Variants in ALG11 observed in about 807,000 individuals in gnomAD.
ALG11 encodes ALG11 alpha-1,2-mannosyltransferase, also known as GDP-Man:Man(3)GlcNAc(2)-PP-Dol alpha-1,2-mannosyltransferase.
Under a neutral mutation model 38.8 loss-of-function variants are expected in ALG11, and 26 were observed. The ratio of observed to expected loss-of-function variants is 0.67; its 90% CI spans 0.49 to 0.93. ALG11 has a LOEUF of 0.93. Among genes scored for constraint, ALG11 ranks in the 40% least tolerant of loss-of-function variants. The pLI is 0.00. For missense variants in ALG11, 535 were observed against 578.8 expected (o/e 0.92, Z 0.78); for synonymous variants, 199 against 211.6 (o/e 0.94, Z 0.52).
At position 52,028,457 on chromosome 13, in the gene ALG11, T is replaced by C. The variant is rs752810827; in HGVS notation, c.1346T>C (p.Ile449Thr). ...AESEEDYAET[I>T]AHILSMSAEK... Reference sequence around the variant, plus strand: ...AGTGAAGAAGACTATGCTGAAACTATCGCTCACATTCTTTCCATGTCTGCA... The same window carrying C: ...AGTGAAGAAGACTATGCTGAAACTACCGCTCACATTCTTTCCATGTCTGCA... The change falls in exon 4 of 4, where the codon ATC (isoleucine) becomes ACC (threonine). Residue 449 changes from isoleucine to threonine, a missense_variant. Coordinates refer to ENST00000521508, the MANE Select transcript of ALG11 (RefSeq NM_001004127.3). 1.2e-6 allele frequency: 2 copies of C among 1,614,196 alleles called. No homozygotes were observed. The highest frequency in any genetic ancestry group is 2.2e-5 in the South Asian group (2 of 91,080).
intron 2 of ALG11, chr13:52,020,947 C>T (rs550054830): frequency 6.6e-6 from 1 of 152,308 alleles, no homozygotes; most frequent in Admixed American, 6.5e-5. Context: ...TTCGACCTAG[C>T]AGTATTTATT....
chr13:52,024,550 T>A lies in ALG11; in HGVS notation c.820T>A (p.Cys274Ser). 1 of 1,614,230 alleles carries A rather than the reference T, an allele frequency of 6.2e-7. No homozygotes were observed. Among genetic ancestry groups the A allele is most frequent in the Non-Finnish European group, 8.5e-7 (1 of 1,180,046 alleles). Reference sequence around the variant, plus strand: ...TCTCTCACTATGGAAAGTTGGGAATTGCACTAACATTGTTTATCCACCTTG... The same window carrying A: ...TCTCTCACTATGGAAAGTTGGGAATAGCACTAACATTGTTTATCCACCTTG... ...HILSLWKVGNCTNIVYPPCDV... is the reference protein window; with the variant it reads ...HILSLWKVGNSTNIVYPPCDV... Residue 274 changes from cysteine (C) to serine (S), a missense_variant, in exon 3 of 4, where the codon TGC becomes AGC. Cys to Ser is a moderately radical substitution (Grantham distance 112). Transcript: ENST00000521508.
At chr13:52,012,648 T>TTAAGACC (rs1471083080) in intron 1 of ALG11, among the ~76,000 whole-genome samples, 186 bp downstream of exon 1, 2 of 152,208 alleles carry the variant, frequency 1.3e-5, no homozygotes, top group East Asian at 3.8e-4. Flanking sequence ...AGACTAGGTC[T>TTAAGACC]TAAAGACTCA....
rs1267852403 is a variant in ALG11, at chr13:52,024,852, A to G, written c.1122A>G (p.Ile374Met). The G allele has an allele frequency of 1.2e-6, 2 of 1,614,050 alleles. No homozygotes were observed. The highest frequency in any genetic ancestry group is 1.7e-6 in the Non-Finnish European group (2 of 1,179,912). The change falls in exon 3 of 4, where the codon ATA becomes ATG. Residue 374 changes from isoleucine to methionine, a missense_variant. Ile to Met is a conservative substitution (Grantham distance 10). Coordinates refer to ENST00000521508, the MANE Select transcript of ALG11 (RefSeq NM_001004127.3). ...LGVQEYVEFK[I>M]NIPFDELKNY... ...TTCAAGAATATGTGGAATTTAAAAT[A>G]AACATTCCATTTGATGAATTAAAGA...
chr13:52,017,079 G>A (rs1193039282), intron 1 of ALG11: 1 of 152,184 alleles, frequency 6.6e-6, no homozygotes, highest in Non-Finnish European at 1.5e-5. Context: ...GTCAAAGGAG[G>A]TCATTTTGGA....
Position 52,024,430 on chromosome 13 carries a change from C to T in ALG11, c.700C>T (p.Leu234Phe). 1 of 1,613,814 alleles carries T rather than the reference C, an allele frequency of 6.2e-7. No individual in the cohort carries two copies. Among genetic ancestry groups the T allele is most frequent in the Non-Finnish European group, 8.5e-7 (1 of 1,179,800 alleles). Residue 234 changes from leucine to phenylalanine, a missense_variant, in exon 3 of 4, where the codon CTC becomes TTC. By Grantham distance (22) the Leu-to-Phe change is conservative. Transcript: ENST00000521508. ...GAATCCTTTTCTCAGCAAAGTAAAG[C>T]TCATCTACTACTATTTATTTGCTTT... ...TRNPFLSKVK[L>F]IYYYLFAFIY...
intron 2 of ALG11, 138 bp downstream of exon 2, chr13:52,019,281 G>A: frequency 1.3e-6 from 1 of 776,958 alleles, no homozygotes. Flanking sequence ...GAGTGCAGTG[G>A]CACGATGTCG....
rs749170887 is a variant in ALG11 at position 52,030,159 on chromosome 13, AG to A, written c.*1571del. 2.5e-6 allele frequency: 4 copies of A among 1,614,238 alleles called. No individual in the cohort carries two copies. In the South Asian group the frequency reaches 4.4e-5, roughly 18 times the overall value. On this transcript the variant is annotated 3_prime_UTR_variant, in exon 4 of 4. Transcript: ENST00000521508. ...CAAGAAACAAAAGATTCTAGCAGCC[AG>A]GAGGTGCTGTCCGAATTGAGGGCAC...
rs980724858 is a variant in ALG11 at position 52,015,059 on chromosome 13, A to G, written c.44+2597A>G. Among the ~76,000 whole-genome samples, 5 of 152,310 alleles carry G rather than the reference A, an allele frequency of 3.3e-5. 1 individual carries two copies. The highest frequency in any genetic ancestry group is 3.3e-4 in the Admixed American group (5 of 15,306). ...TAGGAACAAATGAGGATTTGTTCAC[A>G]ATAGGAAATCCCACATGAGAACTTT... On this transcript the variant is annotated intron_variant, in intron 1 of 3. Transcript: ENST00000521508.
At chr13:52,014,606 C>T (rs988053630) in intron 1 of ALG11, among the ~76,000 whole-genome samples, 2 of 151,642 alleles carry the variant, frequency 1.3e-5, no homozygotes, top group Non-Finnish European at 1.5e-5. Flanking sequence ...ATGATCATAG[C>T]TTACTACAGC....
intron 2 of ALG11, chr13:52,022,659 C>T (rs996424298): frequency 6.6e-6 from 1 of 151,754 alleles, no homozygotes; most frequent in South Asian, 2.1e-4. Flanking sequence ...TCCATACCCC[C>T]AAAACCTGGC....
Position 52,029,664 on chromosome 13 carries a change from A to T in ALG11, c.*1074A>T, listed in dbSNP as rs748408453. 12 of 1,614,248 alleles carry T rather than the reference A, an allele frequency of 7.4e-6. No individual in the cohort carries two copies. Among genetic ancestry groups the T allele is most frequent in the Non-Finnish European group, 9.3e-6 (11 of 1,180,044 alleles). The stretch of plus-strand genomic sequence containing the variant: ...CTGGAAGAAATGGAAAAAATTGAAA[A>T]TGCCAGAATGATGGAAAGAATGAGC... On this transcript the variant is annotated 3_prime_UTR_variant, in exon 4 of 4. Transcript: ENST00000521508.
chr13:52,018,928 A>C lies in ALG11; in HGVS notation c.60A>C (p.Leu20Phe). 1 of 1,613,922 alleles carries C rather than the reference A, an allele frequency of 6.2e-7. No homozygotes were observed. The part of the protein sequence containing the change: ...LCKLLRFFYS[L>F]FFPGLIVCGT... Reference sequence around the variant, plus strand: ...CTTATTTCAGGTTTTTTTATTCATTATTCTTCCCTGGGCTCATTGTATGTG... The same window carrying C: ...CTTATTTCAGGTTTTTTTATTCATTCTTCTTCCCTGGGCTCATTGTATGTG... The change falls in exon 2 of 4, where the codon TTA (leucine) becomes TTC (phenylalanine). Residue 20 changes from leucine to phenylalanine, a missense_variant. Physicochemically the swap from Leu to Phe is conservative, Grantham distance 22. Coordinates refer to ENST00000521508, the MANE Select transcript of ALG11 (RefSeq NM_001004127.3).
rs975448591 is a variant in ALG11 at position 52,030,712 on chromosome 13, G to A, written c.*2122G>A. 1.2e-6 allele frequency: 2 copies of A among 1,613,964 alleles called. No individual in the cohort carries two copies. Among genetic ancestry groups the A allele is most frequent in the Non-Finnish European group, 1.7e-6 (2 of 1,179,914 alleles). Reference sequence around the variant, plus strand: ...CTGGCTGGGGCGAGTGGGGTGGTGTGGGCCTAAAGCCCAGTGCCAAGAAAA... The same window carrying A: ...CTGGCTGGGGCGAGTGGGGTGGTGTAGGCCTAAAGCCCAGTGCCAAGAAAA... On this transcript the variant is annotated 3_prime_UTR_variant, in exon 4 of 4. Coordinates refer to ENST00000521508, the MANE Select transcript of ALG11 (RefSeq NM_001004127.3).
intron 2 of ALG11, among the ~76,000 whole-genome samples, chr13:52,019,463 C>T (rs1368722292): frequency 7.2e-5 from 11 of 152,164 alleles, no homozygotes; most frequent in South Asian, 2.1e-4. Context: ...CCTTGTGATC[C>T]GCCCACCTCG....
At position 52,030,712 on chromosome 13, in the gene ALG11, G is replaced by C. The variant is rs975448591; in HGVS notation, c.*2122G>C. ...CTGGCTGGGGCGAGTGGGGTGGTGT[G>C]GGCCTAAAGCCCAGTGCCAAGAAAA... On this transcript the variant is annotated 3_prime_UTR_variant, in exon 4 of 4. Coordinates refer to ENST00000521508, the MANE Select transcript of ALG11 (RefSeq NM_001004127.3). 1.8e-5 allele frequency: 29 copies of C among 1,613,964 alleles called. No homozygotes were observed. The highest frequency in any genetic ancestry group is 2.3e-5 in the Non-Finnish European group (27 of 1,179,914).
rs540927215 is a variant in ALG11 at position 52,024,662 on chromosome 13, C to T, written c.932C>T (p.Pro311Leu). Reference protein sequence around the residue: ...HLLVSVGQFRPEKNHPLQIRA... With the variant: ...HLLVSVGQFRLEKNHPLQIRA... ...CTGGTTTCTGTTGGCCAGTTTAGGC[C>T]GGAAAAGAATCATCCATTGCAGATC... The change falls in exon 3 of 4, where the codon CCG (proline) becomes CTG (leucine). Residue 311 changes from proline to leucine, a missense_variant. Pro to Leu is a moderately conservative substitution (Grantham distance 98). Transcript: ENST00000521508. The T allele has an allele frequency of 4.4e-5, 71 of 1,614,002 alleles. No individual in the cohort carries two copies. In the South Asian group the frequency reaches 6.0e-4, roughly 14 times the overall value.
At position 52,024,402 on chromosome 13, in the gene ALG11, C is replaced by T; in HGVS notation, c.672C>T (p.Thr224=). The T allele has an allele frequency of 6.2e-7, 1 of 1,613,456 alleles. No homozygotes were observed. The highest frequency in any genetic ancestry group is 8.5e-7 in the Non-Finnish European group (1 of 1,179,548). ...GATTTAATAATGCAGCCTTCATTAC[C>T]AGGAATCCTTTTCTCAGCAAAGTAA... ...NIGFNNAAFI[T]RNPFLSKVKL... is the part of the protein sequence containing the mutation. Residue 224 remains threonine (T), a synonymous_variant, in exon 3 of 4, where the codon ACC becomes ACT. Coordinates refer to ENST00000521508, the MANE Select transcript of ALG11 (RefSeq NM_001004127.3).
chr13:52,032,285 G>A lies in ALG11; in HGVS notation c.*3695G>A, dbSNP rs1380813778. On this transcript the variant is annotated 3_prime_UTR_variant, in exon 4 of 4. Transcript: ENST00000521508. ...TTAAAGGTAACATCACATACTAAAT[G>A]TCTTCTATAATCCTATATTTATTAA... The A allele has an allele frequency of 1.2e-5, 2 of 166,722 alleles. No individual in the cohort carries two copies. Among genetic ancestry groups the A allele is most frequent in the African/African-American group, 4.8e-5 (2 of 41,442 alleles). The allele number at this position is 166,722 out of a possible 1,614,324, so 10.3% of individuals were successfully genotyped here.
Sources: gnomAD v4.1 joint callset for allele counts (sites outside exome capture counted in the v4.1 genomes callset) on GRCh38, gnomAD v4.1.1 for gene constraint, MANE v1.5 for transcripts, NCBI Gene and HGNC (gene_info 2026-07-23, HGNC 2026-07-21) for gene names.